Variants in MCPH1 observed in about 807,000 individuals in gnomAD.
MCPH1 encodes microcephalin.
In MCPH1, 104 loss-of-function variants were observed where a neutral mutation model predicts 84.5. The ratio of observed to expected loss-of-function variants is 1.23; its 90% CI spans 1.05 to 1.45. The LOEUF (loss-of-function observed/expected upper bound fraction) is 1.45. Ranked by LOEUF, MCPH1 falls within the 40% of genes most tolerant of loss-of-function variation. The probability of loss-of-function intolerance (pLI) is 0.00; values close to 1 mark genes in which losing one functional copy is unlikely to be tolerated. For missense variants in MCPH1, 1,498 were observed against 1,005.7 expected (o/e 1.49, Z -6.62); for synonymous variants, 514 against 366.8 (o/e 1.40, Z -4.58).
At chr8:6,499,204 G>A (rs1452980055) in intron 11 of MCPH1, among the ~76,000 whole-genome samples, 2 of 152,134 alleles carry the variant, frequency 1.3e-5, no homozygotes, top group African/African-American at 4.8e-5. Context: ...AGAGACGGCT[G>A]CAGAACCTCA....
In MCPH1 at chr8:6,455,127, T is replaced by C; in HGVS notation, c.1826-16T>C. 1 of 1,597,270 alleles carries C rather than the reference T, an allele frequency of 6.3e-7. No homozygotes were observed. The highest frequency in any genetic ancestry group is 1.1e-5 in the South Asian group (1 of 90,756). On this transcript the variant is annotated splice_polypyrimidine_tract_variant and intron_variant, in intron 8 of 13. Transcript: ENST00000344683. Reference sequence around the variant, plus strand: ...ATGTAAAGTTCTAACTAATTTTTAATCCCCTTGGGTTTTAGGTGTTAAAAA... The same window carrying C: ...ATGTAAAGTTCTAACTAATTTTTAACCCCCTTGGGTTTTAGGTGTTAAAAA...
chr8:6,515,035 A>C (rs1053204901), intron 12 of MCPH1, among the ~76,000 whole-genome samples: 1 of 152,234 alleles, frequency 6.6e-6, no homozygotes, highest in African/African-American at 2.4e-5. Flanking sequence ...CTCACTTGTC[A>C]TCATCTGTTC....
Position 6,414,699 on chromosome 8 carries a change from G to A in MCPH1, c.115-66G>A, listed in dbSNP as rs548852843. The A allele has an allele frequency of 3.8e-4, 599 of 1,563,058 alleles. 4 individuals are homozygous for A. In the African/African-American group the frequency reaches 7.4e-3, roughly 19 times the overall value. ...AGAATTGCTGGGGTAGAGGTTTTTT[G>A]ATCAGTTGTAGTTAAGTTGTGAATG... On this transcript the variant is annotated intron_variant, in intron 2 of 13. Coordinates refer to ENST00000344683, the MANE Select transcript of MCPH1 (RefSeq NM_024596.5).
chr8:6,524,627 G>C (rs577411395), intron 12 of MCPH1, among the ~76,000 whole-genome samples: 2 of 152,138 alleles, frequency 1.3e-5, no homozygotes, highest in Non-Finnish European at 2.9e-5. Flanking sequence ...TAGGGTTTTG[G>C]AGAAAAATCA....
chr8:6,571,749 C>A (rs1826674891), intron 12 of MCPH1, among the ~76,000 whole-genome samples: 1 of 152,120 alleles, frequency 6.6e-6, no homozygotes, highest in South Asian at 2.1e-4. Flanking sequence ...TATCCCCATC[C>A]ATCTGGCGGA....
At chr8:6,532,757 G>C (rs114206264) in intron 12 of MCPH1, among the ~76,000 whole-genome samples, 2,986 of 152,240 alleles carry the variant, frequency 0.02, 102 homozygotes, top group African/African-American at 0.068. Flanking sequence ...TCTTCTAGAA[G>C]TCCATGTCAT....
intron 11 of MCPH1, among the ~76,000 whole-genome samples, chr8:6,483,884 G>T (rs1338703301): frequency 1.3e-5 from 2 of 151,928 alleles, no homozygotes; most frequent in Admixed American, 6.6e-5. Context: ...AAGGAGAGGA[G>T]AGGAGGAAGG....
intron 8 of MCPH1, among the ~76,000 whole-genome samples, chr8:6,450,843 A>G (rs903757662): frequency 1.8e-4 from 27 of 152,058 alleles, no homozygotes; most frequent in African/African-American, 6.5e-4. Flanking sequence ...ACTGGGCTCA[A>G]GTGATCCTCC....
intron 12 of MCPH1, among the ~76,000 whole-genome samples, chr8:6,619,376 C>T (rs1408681007): frequency 6.6e-6 from 1 of 152,206 alleles, no homozygotes; most frequent in Non-Finnish European, 1.5e-5. Flanking sequence ...CTGCCACCTC[C>T]ACCTCCCAGA....
Position 6,409,352 on chromosome 8 carries a change from T to G in MCPH1, c.96T>G (p.Leu32=), listed in dbSNP as rs752181164. ...ENYSKTFTTQ[L]VDMGAKVSKT... ...ATTCAAAGACATTTACAACACAGCT[T>G]GTGGATATGGGGGCAAAGGTAAGAC... Residue 32 remains leucine, a synonymous_variant, in exon 2 of 14, where the codon CTT becomes CTG. Coordinates refer to ENST00000344683, the MANE Select transcript of MCPH1 (RefSeq NM_024596.5). 2 of 1,613,740 alleles carry G rather than the reference T, an allele frequency of 1.2e-6. No individual in the cohort carries two copies. The highest frequency in any genetic ancestry group is 1.7e-6 in the Non-Finnish European group (2 of 1,179,652).
intron 12 of MCPH1, chr8:6,501,553 C>CTTTTTTTTTT (rs761570329): frequency 9.4e-5 from 12 of 127,998 alleles, no homozygotes; most frequent in South Asian, 2.5e-4. Context: ...TCTTTTCTTT[C>CTTTTTTTTTT]TTTTTTTTTT....
intron 9 of MCPH1, among the ~76,000 whole-genome samples, chr8:6,475,449 C>G (rs1019886986): frequency 6.6e-6 from 1 of 152,242 alleles, no homozygotes; most frequent in Non-Finnish European, 1.5e-5. Context: ...CGCTCTGGTG[C>G]TCAGAGCCTG....
At chr8:6,466,508 C>T (rs1015602489) in intron 9 of MCPH1, among the ~76,000 whole-genome samples, 4 of 152,168 alleles carry the variant, frequency 2.6e-5, no homozygotes, top group Non-Finnish European at 4.4e-5. Flanking sequence ...GAGGTTTCGC[C>T]GTATTAGCCA....
intron 12 of MCPH1, chr8:6,521,325 C>T: frequency 6.2e-7 from 1 of 1,613,732 alleles, no homozygotes. Context: ...GATACTAACA[C>T]CTGTAGCTGA....
At chr8:6,407,924 C>T (rs995548709) in intron 1 of MCPH1, among the ~76,000 whole-genome samples, 3 of 152,156 alleles carry the variant, frequency 2.0e-5, no homozygotes, top group African/African-American at 7.2e-5. Context: ...ATTCACATTT[C>T]CTTCTCCATA....
At chr8:6,515,560 G>A (rs1751437227) in intron 12 of MCPH1, among the ~76,000 whole-genome samples, 1 of 152,162 alleles carries the variant, frequency 6.6e-6, no homozygotes, top group African/African-American at 2.4e-5. Context: ...TCTTTCTTAA[G>A]CTAAGCGCAT....
At chr8:6,523,913 T>TA (rs1358167704) in intron 12 of MCPH1, among the ~76,000 whole-genome samples, 1 of 149,842 alleles carries the variant, frequency 6.7e-6, no homozygotes, top group Non-Finnish European at 1.5e-5. Flanking sequence ...TTTAATAAGA[T>TA]ACAAGAGGAA....
chr8:6,513,847 G>A, intron 12 of MCPH1: 1 of 1,597,546 alleles, frequency 6.3e-7, no homozygotes, highest in Non-Finnish European at 8.5e-7. Flanking sequence ...CCAAATCCCT[G>A]TAATGCAAGT....
chr8:6,591,414 G>A (rs1384058295), intron 12 of MCPH1, among the ~76,000 whole-genome samples: 2 of 152,182 alleles, frequency 1.3e-5, no homozygotes, highest in Non-Finnish European at 2.9e-5. Flanking sequence ...CTGGTAACGT[G>A]ATTTCTCACT....
Sources: gnomAD v4.1 joint callset for allele counts (sites outside exome capture counted in the v4.1 genomes callset) on GRCh38, gnomAD v4.1.1 for gene constraint, MANE v1.5 for transcripts, NCBI Gene and HGNC (gene_info 2026-07-23, HGNC 2026-07-21) for gene names.